Variants in FRMD4A observed in about 807,000 individuals in gnomAD.
FRMD4A encodes the protein FERM domain containing 4A.
FRMD4A carries 29 observed loss-of-function variants against 129.1 expected under a neutral mutation model. That is an observed-to-expected ratio of 0.22 (90% confidence interval 0.17 to 0.31). FRMD4A has a LOEUF of 0.31. Among genes scored for constraint, FRMD4A ranks in the 10% least tolerant of loss-of-function variants. The probability of loss-of-function intolerance (pLI) is 1.00; values close to 1 mark genes in which losing one functional copy is unlikely to be tolerated. For synonymous variants in FRMD4A, 634 were observed against 571.6 expected (o/e 1.11, Z -1.56); for missense variants, 1,272 against 1,375.8 (o/e 0.92, Z 1.19).
intron 2 of FRMD4A, among the ~76,000 whole-genome samples, chr10:13,973,450 T>C (rs1450081545): frequency 6.6e-6 from 1 of 152,126 alleles, no homozygotes; most frequent in Non-Finnish European, 1.5e-5. Flanking sequence ...CCTCCCAAAA[T>C]GCTGGGATTA....
chr10:14,178,325 C>G (rs999981360), intron 2 of FRMD4A, among the ~76,000 whole-genome samples: 1 of 152,158 alleles, frequency 6.6e-6, no homozygotes, highest in Non-Finnish European at 1.5e-5. Context: ...CATTGAGTAC[C>G]TCGTTCACTT....
chr10:14,090,437 G>A (rs1836594400), intron 2 of FRMD4A, among the ~76,000 whole-genome samples: 1 of 152,200 alleles, frequency 6.6e-6, no homozygotes, highest in Non-Finnish European at 1.5e-5. Flanking sequence ...CAAGAGCCTG[G>A]GGACACGACA....
intron 15 of FRMD4A, chr10:13,684,482 G>T (rs1564604994): frequency 1.0e-6 from 1 of 985,394 alleles, no homozygotes; most frequent in Non-Finnish European, 1.2e-6. Context: ...ACAGCTGGGT[G>T]TGGAGGAGCG....
At chr10:14,175,872 T>C (rs752451602) in intron 2 of FRMD4A, among the ~76,000 whole-genome samples, 1 of 152,214 alleles carries the variant, frequency 6.6e-6, no homozygotes, top group Non-Finnish European at 1.5e-5. Flanking sequence ...AGTTGCAGGC[T>C]GCAACCTCAT....
intron 2 of FRMD4A, among the ~76,000 whole-genome samples, chr10:13,917,679 T>G (rs1299394336): frequency 6.6e-6 from 1 of 152,098 alleles, no homozygotes; most frequent in Non-Finnish European, 1.5e-5. Flanking sequence ...ATATCAAACT[T>G]CAGAAAAGAG....
At chr10:14,021,396 A>T (rs947180387) in intron 2 of FRMD4A, among the ~76,000 whole-genome samples, 3 of 147,212 alleles carry the variant, frequency 2.0e-5, no homozygotes, top group African/African-American at 7.8e-5. Context: ...AAAAAAAAAA[A>T]TAATAAAAAA....
At chr10:14,042,449 T>G (rs1833815810) in intron 2 of FRMD4A, among the ~76,000 whole-genome samples, 1 of 152,188 alleles carries the variant, frequency 6.6e-6, no homozygotes, top group South Asian at 2.1e-4. Flanking sequence ...TAACGCTGGC[T>G]CCTTTGTTCA....
intron 2 of FRMD4A, among the ~76,000 whole-genome samples, chr10:14,089,644 C>CAAAAAAAAAACAAAA (rs1836539831): frequency 7.6e-6 from 1 of 131,902 alleles, no homozygotes; most frequent in Admixed American, 7.6e-5. Context: ...AAAAAACAAA[C>CAAAAAAAAAACAAAA]AAAAAAAAAA....
intron 2 of FRMD4A, among the ~76,000 whole-genome samples, chr10:14,073,896 G>A (rs1164062742): frequency 1.3e-5 from 2 of 152,154 alleles, no homozygotes; most frequent in East Asian, 1.9e-4. Context: ...AGGATCACTT[G>A]AGGGCAGGAG....
chr10:14,101,737 A>G (rs1837314223), intron 2 of FRMD4A, among the ~76,000 whole-genome samples: 1 of 101,966 alleles, frequency 9.8e-6, no homozygotes, highest in Non-Finnish European at 2.2e-5. Flanking sequence ...AACACAACAC[A>G]ACACAACACA....
chr10:14,031,921 A>G (rs571961006), intron 2 of FRMD4A, among the ~76,000 whole-genome samples: 1 of 151,996 alleles, frequency 6.6e-6, no homozygotes, highest in East Asian at 1.9e-4. Context: ...CCTTAGAATG[A>G]TCAATGATGT....
chr10:13,718,569 T>C (rs1463134169), intron 12 of FRMD4A, among the ~76,000 whole-genome samples: 1 of 152,250 alleles, frequency 6.6e-6, no homozygotes, highest in Non-Finnish European at 1.5e-5. Context: ...ACTTCAGATC[T>C]AGACTTTCTG....
chr10:13,705,185 C>G (rs1219866879), intron 13 of FRMD4A, among the ~76,000 whole-genome samples: 1 of 152,182 alleles, frequency 6.6e-6, no homozygotes, highest in Non-Finnish European at 1.5e-5. Context: ...CCGACAAGGA[C>G]ACAGAAGCTT....
At chr10:14,023,371 AAC>A (rs1336823435) in intron 2 of FRMD4A, among the ~76,000 whole-genome samples, 5 of 152,108 alleles carry the variant, frequency 3.3e-5, no homozygotes, top group Non-Finnish European at 7.4e-5. Context: ...CGTCTGCCAA[AAC>A]ACACCATTCC....
intron 12 of FRMD4A, chr10:13,727,792 T>C (rs2090013189): frequency 6.6e-6 from 1 of 152,304 alleles, no homozygotes; most frequent in Admixed American, 6.5e-5. Flanking sequence ...AATTTAACTC[T>C]CAGGTCTATG....
At chr10:14,288,144 C>T (rs1294239028) in intron 2 of FRMD4A, among the ~76,000 whole-genome samples, 2 of 152,086 alleles carry the variant, frequency 1.3e-5, no homozygotes, top group Non-Finnish European at 2.9e-5. Flanking sequence ...TTCCTTTCTT[C>T]AAGAAATACA....
At chr10:13,851,654 C>A (rs1017264037) in intron 3 of FRMD4A, among the ~76,000 whole-genome samples, 2 of 152,078 alleles carry the variant, frequency 1.3e-5, no homozygotes, top group South Asian at 4.2e-4. Context: ...GTAATCCCAG[C>A]ATTTTGGGAG....
intron 3 of FRMD4A, among the ~76,000 whole-genome samples, chr10:13,848,668 C>T (rs921144591): frequency 1.3e-5 from 2 of 151,108 alleles, no homozygotes; most frequent in African/African-American, 2.4e-5. Context: ...CCTAGATGAT[C>T]GCATCAATCT....
rs1565216300 is a variant in FRMD4A at position 14,055,471 on chromosome 10, ACACAC to A, written c.46-196564_46-196560del. On this transcript the variant is annotated intron_variant, in intron 2 of 24. Coordinates refer to ENST00000357447, the MANE Select transcript of FRMD4A (RefSeq NM_018027.5). ...CACACACACACACACAAACACACAC[ACACAC>A]ACACACACACACACACACACACTCA... Among the ~76,000 whole-genome samples the A allele has an allele frequency of 2.9e-3, 318 of 110,406 alleles. 2 individuals are homozygous for A. Among genetic ancestry groups the A allele is most frequent in the African/African-American group, 0.011 (299 of 26,936 alleles). The allele number at this position is 110,406 out of a possible 152,430, so 72.4% of individuals were successfully genotyped here.
Sources: allele counts gnomAD v4.1 joint callset (sites outside exome capture counted in the v4.1 genomes callset), GRCh38; gene constraint gnomAD v4.1.1; transcripts MANE v1.5; gene names NCBI Gene and HGNC (gene_info 2026-07-23, HGNC 2026-07-21).